The following VDR variants were observed in gnomAD, a reference collection of about 807,000 sequenced individuals.
The protein encoded by VDR is vitamin D receptor.
VDR carries 19 observed loss-of-function variants against 39.7 expected under a neutral mutation model. The observed-to-expected ratio is 0.48, with a 90% CI of 0.33 to 0.70. The LOEUF is 0.70. Ranked by LOEUF, VDR falls within the 30% of genes least tolerant of loss-of-function variation. The probability of loss-of-function intolerance (pLI) is 0.02; values close to 1 mark genes in which losing one functional copy is unlikely to be tolerated. For missense variants in VDR, 442 were observed against 570.5 expected, an observed-to-expected ratio of 0.77 and a Z score of 2.29; for synonymous variants, 242 against 215.8, an observed-to-expected ratio of 1.12 and a Z score of -1.07.
At chr12:47,878,170 C>A (rs999108143) in intron 3 of VDR, among the ~76,000 whole-genome samples, 3 of 152,214 alleles carry the variant, frequency 2.0e-5, no homozygotes, top group Admixed American at 6.5e-5. Context: ...GTCTAGACCG[C>A]TAGACAGAAG....
At chr12:47,870,819 T>C (rs1454812286) in intron 3 of VDR, among the ~76,000 whole-genome samples, 1 of 152,236 alleles carries the variant, frequency 6.6e-6, no homozygotes, top group Non-Finnish European at 1.5e-5. Flanking sequence ...GAAAGCTATG[T>C]GAGGTGCTGG....
intron 3 of VDR, among the ~76,000 whole-genome samples, chr12:47,871,288 C>T (rs1012726034): frequency 9.5e-6 from 1 of 104,932 alleles, no homozygotes; most frequent in South Asian, 3.2e-4. Flanking sequence ...CTTTCTTTCT[C>T]TTTCTCTTTC....
At chr12:47,863,533 C>A (rs962167119) in intron 4 of VDR, among the ~76,000 whole-genome samples, 1 of 152,136 alleles carries the variant, frequency 6.6e-6, no homozygotes, top group African/African-American at 2.4e-5. Context: ...CTTGTTGGTG[C>A]CCACCCTAAC....
At chr12:47,849,284 G>T (rs749620563) in intron 7 of VDR, among the ~76,000 whole-genome samples, 6 of 152,088 alleles carry the variant, frequency 3.9e-5, no homozygotes. Context: ...GCCAGCAAAG[G>T]ATCTGTATTG....
intron 4 of VDR, among the ~76,000 whole-genome samples, chr12:47,861,672 C>T (rs1945628191): frequency 6.6e-6 from 1 of 152,184 alleles, no homozygotes; most frequent in Admixed American, 6.5e-5. Flanking sequence ...GTCTGGTGAT[C>T]AGGCGTCTAA....
In VDR at chr12:47,871,590, A is replaced by C. The variant is rs867483229; in HGVS notation, c.147-6413T>G. On this transcript the variant is annotated intron_variant, in intron 3 of 9. Coordinates refer to ENST00000549336, the MANE Select transcript of VDR (RefSeq NM_000376.3). ...TCGATTCTCTTGCTTCAGCCTCCCG[A>C]GTAGCTGGAATTACAGGCATGTGCC... Among the ~76,000 whole-genome samples, 8 of 151,020 alleles carry C rather than the reference A, an allele frequency of 5.3e-5. No homozygotes were observed. In the South Asian group the frequency reaches 1.7e-3, roughly 31 times the overall value.
intron 4 of VDR, 125 bp downstream of exon 4, chr12:47,864,922 C>T: frequency 6.5e-7 from 1 of 1,534,206 alleles, no homozygotes; most frequent in Non-Finnish European, 8.9e-7. Flanking sequence ...AGGCCCTGGC[C>T]CCAGATGCTG....
At position 47,844,612 on chromosome 12, in the gene VDR, G is replaced by T; in HGVS notation, c.*134C>A. The T allele has an allele frequency of 8.1e-7, 1 of 1,229,420 alleles. No individual in the cohort carries two copies. Among genetic ancestry groups the T allele is most frequent in the Non-Finnish European group, 1.2e-6 (1 of 868,252 alleles). The allele number at this position is 1,229,420 out of a possible 1,614,324, so 76.2% of individuals were successfully genotyped here. A position where few individuals can be genotyped will look rare whatever the true frequency, so the allele number is the denominator to read the frequency against. ...GACAGGAGAGAGAATGGGCTGGGTGGATAGGGGAGGTGGCAGAGGAGGGGC... is the reference window on the plus strand; with the variant it reads ...GACAGGAGAGAGAATGGGCTGGGTGTATAGGGGAGGTGGCAGAGGAGGGGC... On this transcript the variant is annotated 3_prime_UTR_variant, in exon 10 of 10. Transcript: ENST00000549336.
intron 1 of VDR, among the ~76,000 whole-genome samples, chr12:47,892,183 G>T (rs1946383252): frequency 6.6e-6 from 1 of 152,232 alleles, no homozygotes; most frequent in African/African-American, 2.4e-5. Context: ...AGGGTCCTCT[G>T]AGATGGGCAG....
At chr12:47,876,738 C>G (rs147757486) in intron 3 of VDR, among the ~76,000 whole-genome samples, 1 of 152,328 alleles carries the variant, frequency 6.6e-6, no homozygotes, top group African/African-American at 2.4e-5. Flanking sequence ...AGGACCTGTC[C>G]TCTCTCCACC....
At chr12:47,881,258 A>G (rs1946145455) in intron 2 of VDR, among the ~76,000 whole-genome samples, 1 of 152,160 alleles carries the variant, frequency 6.6e-6, no homozygotes, top group Non-Finnish European at 1.5e-5. Context: ...AGAAAACAAA[A>G]TAGCACATGT....
At chr12:47,871,298 CTTTCTT>C (rs1461305204) in intron 3 of VDR, among the ~76,000 whole-genome samples, 9 of 109,814 alleles carry the variant, frequency 8.2e-5, no homozygotes, top group African/African-American at 2.8e-4. Context: ...CTTTCTCTTT[CTTTCTT>C]TCTTTCTTTC....
At chr12:47,857,041 C>T (rs1226235060) in intron 6 of VDR, 88 bp downstream of exon 6, 15 of 1,595,994 alleles carry the variant, frequency 9.4e-6, no homozygotes, top group Non-Finnish European at 1.3e-5. Flanking sequence ...GAGCCTTCCA[C>T]CTCCTTCCAT....
At position 47,857,768 on chromosome 12, in the gene VDR, G is replaced by A. The variant is rs1592108097; in HGVS notation, c.278-80C>T. 11 of 1,505,720 alleles carry A rather than the reference G, an allele frequency of 7.3e-6. 1 individual carries two copies. In the South Asian group the frequency reaches 1.2e-4, roughly 16 times the overall value. The allele number at this position is 1,505,720 out of a possible 1,614,324, so 93.3% of individuals were successfully genotyped here. ...CTTCCTCCTGCGGTTGGGGGTAAAGGTCCAAGATAGGAGGGGCTTTAACAC... is the reference window on the plus strand; with the variant it reads ...CTTCCTCCTGCGGTTGGGGGTAAAGATCCAAGATAGGAGGGGCTTTAACAC... On this transcript the variant is annotated intron_variant, in intron 4 of 9. Coordinates refer to ENST00000549336, the MANE Select transcript of VDR (RefSeq NM_000376.3).
Position 47,867,021 on chromosome 12 carries a change from A to AC in VDR, c.147-1845_147-1844insG, listed in dbSNP as rs397726034. On this transcript the variant is annotated intron_variant, in intron 3 of 9. Transcript: ENST00000549336. ...AAAAAACAAAACAAAACAAAACAAAAAAAACCCAGAAAACTACTGAAGTGT... is the reference window on the plus strand; with the variant it reads ...AAAAAACAAAACAAAACAAAACAAAACAAAACCCAGAAAACTACTGAAGTGT... 3.1e-4 allele frequency among the ~76,000 whole-genome samples: 46 copies of AC among 148,970 alleles called. No individual in the cohort carries two copies. In the Middle Eastern group the frequency reaches 0.01, roughly 34 times the overall value.
intron 3 of VDR, among the ~76,000 whole-genome samples, chr12:47,871,322 CTT>C (rs1253423693): frequency 1.4e-5 from 2 of 142,078 alleles, no homozygotes; most frequent in Non-Finnish European, 3.1e-5. Flanking sequence ...TTCTTTCTTT[CTT>C]TCTTTCTTTC....
At chr12:47,849,625 T>C (rs539742668) in intron 7 of VDR, among the ~76,000 whole-genome samples, 1 of 152,350 alleles carries the variant, frequency 6.6e-6, no homozygotes, top group Non-Finnish European at 1.5e-5. Flanking sequence ...AATGACACAA[T>C]GTCTAACATC....
chr12:47,859,955 C>G (rs1350866019), intron 4 of VDR, among the ~76,000 whole-genome samples: 1 of 138,290 alleles, frequency 7.2e-6, no homozygotes, highest in Non-Finnish European at 1.5e-5. Flanking sequence ...TTCTTTCTTT[C>G]TTTCTTTCTT....
Position 47,898,591 on chromosome 12 carries a change from G to A in VDR, c.-84+6364C>T, listed in dbSNP as rs551687335. 43 of 154,730 alleles carry A rather than the reference G, an allele frequency of 2.8e-4. 1 individual carries two copies. The Middle Eastern group carries it at 0.013, about 47-fold the overall frequency. 9.6% of individuals were successfully genotyped at this position (154,730 alleles called of 1,614,324 possible). A position where few individuals can be genotyped will look rare whatever the true frequency, so the allele number is the denominator to read the frequency against. Reference sequence around the variant, plus strand: ...ACACCCCTAGCAGTACTGTCCTATCGTAATAGCTCAACTGGAAACAACCCA... The same window carrying A: ...ACACCCCTAGCAGTACTGTCCTATCATAATAGCTCAACTGGAAACAACCCA... On this transcript the variant is annotated intron_variant, in intron 1 of 9. Coordinates refer to ENST00000549336, the MANE Select transcript of VDR (RefSeq NM_000376.3).
Sources: gnomAD v4.1 joint callset for allele counts (sites outside exome capture counted in the v4.1 genomes callset) on GRCh38, gnomAD v4.1.1 for gene constraint, MANE v1.5 for transcripts, NCBI Gene and HGNC (gene_info 2026-07-23, HGNC 2026-07-21) for gene names.